Variants in COBLL1 observed in about 807,000 individuals in gnomAD.
The protein encoded by COBLL1 is cordon-bleu protein-like 1.
In COBLL1, 50 loss-of-function variants were observed where a neutral mutation model predicts 94.8. The ratio of observed to expected loss-of-function variants is 0.53; its 90% CI spans 0.42 to 0.67. The LOEUF (loss-of-function observed/expected upper bound fraction) is 0.67, where lower values mean the gene tolerates loss of function less well. Ranked by LOEUF, COBLL1 falls within the 30% of genes least tolerant of loss-of-function variation. The probability of loss-of-function intolerance (pLI) is 0.00; values close to 1 mark genes in which losing one functional copy is unlikely to be tolerated. For missense variants in COBLL1, 1,362 were observed against 1,348.7 expected (o/e 1.01, Z -0.15); for synonymous variants, 448 against 473.8 (o/e 0.95, Z 0.71).
chr2:164,735,092 T>C (rs1056230786), intron 3 of COBLL1, among the ~76,000 whole-genome samples: 18 of 152,178 alleles, frequency 1.2e-4, no homozygotes, highest in South Asian at 6.2e-4. Flanking sequence ...GTTAACTGGG[T>C]TCTGTGTGTA....
At chr2:164,812,803 C>T (rs1206053454) in intron 2 of COBLL1, among the ~76,000 whole-genome samples, 1 of 151,980 alleles carries the variant, frequency 6.6e-6, no homozygotes, top group African/African-American at 2.4e-5. Flanking sequence ...TTTAAAAAGA[C>T]TTTGTAAAAA....
chr2:164,771,738 ACTAT>A (rs1223989453), intron 2 of COBLL1, among the ~76,000 whole-genome samples: 2 of 152,052 alleles, frequency 1.3e-5, no homozygotes, highest in Non-Finnish European at 1.5e-5. Context: ...TTTGTAAATT[ACTAT>A]CTACTTTCCT....
rs371695066 is a variant in COBLL1 at position 164,682,829 on chromosome 2, A to G, written c.*3117T>C. 2.0e-5 allele frequency: 3 copies of G among 152,220 alleles called. No individual in the cohort carries two copies. The highest frequency in any genetic ancestry group is 7.2e-5 in the African/African-American group (3 of 41,522). 9.4% of individuals were successfully genotyped at this position (152,220 alleles called of 1,614,324 possible). A position where few individuals can be genotyped will look rare whatever the true frequency, so the allele number is the denominator to read the frequency against. ...TGGCAGACTTGTGATCTGAACCCCAATCTCTTCACTCCAGCCAACATTATG... is the reference window on the plus strand; with the variant it reads ...TGGCAGACTTGTGATCTGAACCCCAGTCTCTTCACTCCAGCCAACATTATG... On this transcript the variant is annotated 3_prime_UTR_variant, in exon 14 of 14. Coordinates refer to ENST00000652658, the MANE Select transcript of COBLL1 (RefSeq NM_001365672.2).
downstream of COBLL1, among the ~76,000 whole-genome samples, chr2:164,675,771 A>G (rs1208919707): frequency 6.6e-6 from 1 of 152,182 alleles, no homozygotes; most frequent in Non-Finnish European, 1.5e-5. Flanking sequence ...TTCTTCCACA[A>G]TGACATGGGT....
At chr2:164,747,806 A>C (rs1018797782) in intron 2 of COBLL1, among the ~76,000 whole-genome samples, 2 of 152,140 alleles carry the variant, frequency 1.3e-5, no homozygotes, top group Non-Finnish European at 2.9e-5. Context: ...AAAACATCCT[A>C]ATGTTCTCAG....
At chr2:164,715,171 T>G (rs1271062133) in intron 7 of COBLL1, among the ~76,000 whole-genome samples, 3 of 152,322 alleles carry the variant, frequency 2.0e-5, no homozygotes, top group Non-Finnish European at 2.9e-5. Context: ...TGATGAAAAC[T>G]ACAGTGGCAA....
intron 2 of COBLL1, among the ~76,000 whole-genome samples, chr2:164,754,944 C>T (rs1010608273): frequency 6.6e-6 from 1 of 152,074 alleles, no homozygotes; most frequent in African/African-American, 2.4e-5. Flanking sequence ...GAGCCCATGG[C>T]AGGAGGATCA....
Position 164,767,573 on chromosome 2 carries a change from A to G in COBLL1, c.42-23698T>C, listed in dbSNP as rs1351810001. ...GGGATTTTCATCCTGTCCTTCTTGC[A>G]CACATAGCATACAAAGGCTTGCCTT... is the stretch of plus-strand genomic sequence containing the variant. On this transcript the variant is annotated intron_variant, in intron 2 of 13. Coordinates refer to ENST00000652658, the MANE Select transcript of COBLL1 (RefSeq NM_001365672.2). Among the ~76,000 whole-genome samples the G allele has an allele frequency of 2.6e-5, 4 of 152,312 alleles. No individual in the cohort carries two copies. In the East Asian group the frequency reaches 5.8e-4, roughly 22 times the overall value.
intron 2 of COBLL1, chr2:164,773,782 T>C: frequency 1.6e-6 from 2 of 1,279,030 alleles, no homozygotes; most frequent in South Asian, 2.7e-5. Flanking sequence ...GAACCAACTG[T>C]CCTGCTCTGT....
chr2:164,789,221 G>A (rs1683048494), intron 2 of COBLL1, among the ~76,000 whole-genome samples: 1 of 151,922 alleles, frequency 6.6e-6, no homozygotes, highest in African/African-American at 2.4e-5. Flanking sequence ...ATTAAGATAG[G>A]GTATTAGATT....
At chr2:164,735,406 A>G (rs1031224303) in intron 3 of COBLL1, among the ~76,000 whole-genome samples, 37 of 152,340 alleles carry the variant, frequency 2.4e-4, no homozygotes, top group African/African-American at 7.7e-4. Context: ...AACATTAAAT[A>G]GGGTTAAGAT....
chr2:164,783,788 G>A (rs543767001), intron 2 of COBLL1, among the ~76,000 whole-genome samples: 3 of 152,078 alleles, frequency 2.0e-5, no homozygotes, highest in South Asian at 4.2e-4. Flanking sequence ...GCAACATAGC[G>A]AGATCCAATC....
At chr2:164,735,056 C>T (rs1005277128) in intron 3 of COBLL1, among the ~76,000 whole-genome samples, 10 of 152,158 alleles carry the variant, frequency 6.6e-5, no homozygotes, top group African/African-American at 2.4e-4. Context: ...TTACTTAGAT[C>T]TTAAGCAGCA....
intron 2 of COBLL1, among the ~76,000 whole-genome samples, chr2:164,784,821 TG>T (rs1364576387): frequency 1.3e-5 from 2 of 152,080 alleles, no homozygotes; most frequent in East Asian, 1.9e-4. Flanking sequence ...AGCCAATACA[TG>T]TTTTTTTAAA....
At chr2:164,819,142 T>G (rs1376635086) in intron 2 of COBLL1, among the ~76,000 whole-genome samples, 3 of 152,130 alleles carry the variant, frequency 2.0e-5, no homozygotes, top group Admixed American at 6.6e-5. Flanking sequence ...TGTAAGCATT[T>G]CCTTCCAAGA....
intron 2 of COBLL1, among the ~76,000 whole-genome samples, chr2:164,826,035 T>C (rs776548947): frequency 1.3e-5 from 2 of 152,222 alleles, no homozygotes; most frequent in Non-Finnish European, 2.9e-5. Flanking sequence ...CTTTGAGTAA[T>C]GATGCTCGTG....
At chr2:164,772,772 TA>T (rs1559000450) in intron 2 of COBLL1, among the ~76,000 whole-genome samples, 7 of 152,088 alleles carry the variant, frequency 4.6e-5, no homozygotes, top group African/African-American at 1.7e-4. Context: ...TAATATTACA[TA>T]ATACCAGACA....
intron 2 of COBLL1, among the ~76,000 whole-genome samples, chr2:164,777,547 T>C (rs990210743): frequency 2.6e-5 from 4 of 152,176 alleles, no homozygotes; most frequent in African/African-American, 7.2e-5. Context: ...TGCTGCTATA[T>C]ACCTGAATGT....
intron 10 of COBLL1, among the ~76,000 whole-genome samples, chr2:164,700,117 G>A (rs567035830): frequency 9.9e-5 from 15 of 152,122 alleles, no homozygotes; most frequent in African/African-American, 2.2e-4. Flanking sequence ...GATAATACTC[G>A]TGATTTAACA....
Sources: allele counts gnomAD v4.1 joint callset (sites outside exome capture counted in the v4.1 genomes callset), GRCh38; gene constraint gnomAD v4.1.1; transcripts MANE v1.5; gene names NCBI Gene and HGNC (gene_info 2026-07-23, HGNC 2026-07-21).